The following CACNA1I variants were observed in gnomAD, a reference collection of about 807,000 sequenced individuals.
The protein encoded by CACNA1I is voltage-dependent T-type calcium channel subunit alpha-1I.
In CACNA1I, 74 loss-of-function variants were observed where a neutral mutation model predicts 201.6. That is an observed-to-expected ratio of 0.37 (90% confidence interval 0.30 to 0.45). CACNA1I has a LOEUF of 0.45. CACNA1I is among the 20% of genes least tolerant of loss of function. CACNA1I has a pLI of 1.00. For missense variants in CACNA1I, 2,346 were observed against 3,138.1 expected (o/e 0.75, Z 6.03); for synonymous variants, 1,431 against 1,345.2 (o/e 1.06, Z -1.40).
chr22:39,686,023 G>A lies in CACNA1I; in HGVS notation c.6290G>A (p.Cys2097Tyr), dbSNP rs1935857564. Residue 2097 changes from cysteine (C) to tyrosine (Y), a missense_variant, in exon 37 of 37, where the codon TGC (cysteine) becomes TAC (tyrosine). Physicochemically the swap from Cys to Tyr is radical, Grantham distance 194. Coordinates refer to ENST00000402142, the MANE Select transcript of CACNA1I (RefSeq NM_021096.4). ...AGCGGGGGCTCCACCAGCCCGGGCT[G>A]CACCCACCACGACTCCATGGACCCC... ...HSSGGSTSPG[C>Y]THHDSMDPSD... is the part of the protein sequence containing the mutation. The A allele has an allele frequency of 3.2e-6, 4 of 1,242,036 alleles. No individual in the cohort carries two copies. Among genetic ancestry groups the A allele is most frequent in the Non-Finnish European group, 3.0e-6 (3 of 997,664 alleles). The allele number at this position is 1,242,036 out of a possible 1,614,324, so 76.9% of individuals were successfully genotyped here. A position where few individuals can be genotyped will look rare whatever the true frequency, so the allele number is the denominator to read the frequency against.
Position 39,684,602 on chromosome 22 carries a change from A to C in CACNA1I, c.6027+104A>C. The C allele has an allele frequency of 1.9e-5, 23 of 1,233,970 alleles. No homozygotes were observed. The highest frequency in any genetic ancestry group is 2.5e-5 in the Non-Finnish European group (22 of 863,522). 76.4% of individuals were successfully genotyped at this position (1,233,970 alleles called of 1,614,324 possible). ...GACTGGGAGGGGAAGGACCCAACCA[A>C]AGGCCGAGGGCACCACCGTGCAAGG... On this transcript the variant is annotated intron_variant, in intron 36 of 36. Coordinates refer to ENST00000402142, the MANE Select transcript of CACNA1I (RefSeq NM_021096.4). This position sits in a 1 kb window ranked among gnomAD's most constrained non-coding sequence, Gnocchi z 4.6.
chr22:39,681,668 G>C (rs1175741656), intron 34 of CACNA1I, among the ~76,000 whole-genome samples: 1 of 151,888 alleles, frequency 6.6e-6, no homozygotes, highest in Non-Finnish European at 1.5e-5. Flanking sequence ...GTCTTAGGGG[G>C]TGAGATCTCA....
chr22:39,684,893 A>C lies in CACNA1I; in HGVS notation c.6027+395A>C. The C allele has an allele frequency of 1.1e-4, 34 of 314,362 alleles. No homozygotes were observed. Among genetic ancestry groups the C allele is most frequent in the East Asian group, 2.0e-4 (3 of 14,704 alleles). 19.5% of individuals were successfully genotyped at this position (314,362 alleles called of 1,614,324 possible). A position where few individuals can be genotyped will look rare whatever the true frequency, so the allele number is the denominator to read the frequency against. On this transcript the variant is annotated intron_variant, in intron 36 of 36. Coordinates refer to ENST00000402142, the MANE Select transcript of CACNA1I (RefSeq NM_021096.4). The surrounding 1 kb of genome is among the most constrained non-coding windows in gnomAD (Gnocchi z 4.6). ...GTGAGTGGGGGCTTGATTACTAGGAATGGAGGTGGGAGGGCGGGTCTGGTG... is the reference window on the plus strand; with the variant it reads ...GTGAGTGGGGGCTTGATTACTAGGACTGGAGGTGGGAGGGCGGGTCTGGTG...
At chr22:39,679,912 C>T (rs1448861871) in intron 33 of CACNA1I, 44 bp downstream of exon 33, 2 of 1,580,234 alleles carry the variant, frequency 1.3e-6, no homozygotes, top group South Asian at 1.2e-5. Context: ...GCAGGGGCAG[C>T]ACGAAACCTG....
At chr22:39,634,765 T>G in intron 5 of CACNA1I, 41 bp downstream of exon 5, 3 of 1,586,632 alleles carry the variant, frequency 1.9e-6, no homozygotes, top group Non-Finnish European at 2.6e-6. Context: ...CCGGGGACTC[T>G]TACTAAGACA....
Position 39,686,288 on chromosome 22 carries a change from C to T in CACNA1I, c.6555C>T (p.Ser2185=). ...GCCCCTCGTGGGCCGCGGACCGCAGCAAGGACCCCCCCGGCCGGGCACCGC... is the reference window on the plus strand; with the variant it reads ...GCCCCTCGTGGGCCGCGGACCGCAGTAAGGACCCCCCCGGCCGGGCACCGC... ...ARSPSWAADR[S]KDPPGRAPLP... The change falls in exon 37 of 37, where the codon AGC becomes AGT. Residue 2185 remains serine (S), a synonymous_variant. Transcript: ENST00000402142. 2 of 1,321,038 alleles carry T rather than the reference C, an allele frequency of 1.5e-6. No homozygotes were observed. Among genetic ancestry groups the T allele is most frequent in the Non-Finnish European group, 1.9e-6 (2 of 1,031,466 alleles). The allele number at this position is 1,321,038 out of a possible 1,614,324, so 81.8% of individuals were successfully genotyped here.
At chr22:39,583,716 G>A (rs1048870576) in intron 1 of CACNA1I, among the ~76,000 whole-genome samples, 1 of 152,200 alleles carries the variant, frequency 6.6e-6, no homozygotes, top group Admixed American at 6.5e-5. Context: ...TCTACTGTCT[G>A]CTGAATGCCC....
At chr22:39,610,686 GC>G (rs1247314228) in intron 3 of CACNA1I, among the ~76,000 whole-genome samples, 2 of 152,134 alleles carry the variant, frequency 1.3e-5, no homozygotes. Context: ...CAGCTTCAGG[GC>G]CCGCTTGCTC....
In CACNA1I at chr22:39,580,713, C is replaced by T. The variant is rs202069086; in HGVS notation, c.236+9725C>T. On this transcript the variant is annotated intron_variant, in intron 1 of 36. Transcript: ENST00000402142. ...AGCTTACACTTGGTCTTGTGGGCCA[C>T]GGGTGGGTGTCTAGCAGGGGTGGGA... Among the ~76,000 whole-genome samples, 7 of 152,016 alleles carry T rather than the reference C, an allele frequency of 4.6e-5. No homozygotes were observed. In the East Asian group the frequency reaches 1.2e-3, roughly 25 times the overall value.
chr22:39,681,334 G>A (rs562805001), intron 34 of CACNA1I, among the ~76,000 whole-genome samples: 1 of 152,312 alleles, frequency 6.6e-6, no homozygotes, highest in Admixed American at 6.5e-5. Flanking sequence ...CATTCCACGG[G>A]GGGTCATCCC....
intron 1 of CACNA1I, among the ~76,000 whole-genome samples, chr22:39,583,365 T>TATCC (rs61259535): frequency 0.013 from 1,915 of 145,182 alleles, 44 homozygotes; most frequent in African/African-American, 0.044. Flanking sequence ...TCCAACCATC[T>TATCC]ATCCATCCAT....
chr22:39,685,619 G>A lies in CACNA1I; in HGVS notation c.6028-142G>A, dbSNP rs973748034. 95 of 670,276 alleles carry A rather than the reference G, an allele frequency of 1.4e-4. 1 individual carries two copies. The highest frequency in any genetic ancestry group is 1.3e-3 in the Middle Eastern group (3 of 2,360). The allele number at this position is 670,276 out of a possible 1,614,324, so 41.5% of individuals were successfully genotyped here. On this transcript the variant is annotated intron_variant, in intron 36 of 36. Coordinates refer to ENST00000402142, the MANE Select transcript of CACNA1I (RefSeq NM_021096.4). The surrounding 1 kb of genome is among the most constrained non-coding windows in gnomAD (Gnocchi z 5.0). The stretch of plus-strand genomic sequence containing the variant: ...TGCGGTGACGCCGCCTAAGCTGGAC[G>A]TGCGGAGGGGAGAAGCCCTGCTCCG...
At chr22:39,661,841 A>G (rs891952615) in intron 16 of CACNA1I, 124 bp from the exon 17 acceptor site, 14 of 599,564 alleles carry the variant, frequency 2.3e-5, no homozygotes, top group Non-Finnish European at 3.7e-5. Flanking sequence ...AGCCCATTCC[A>G]TCACCCGCTG....
intron 7 of CACNA1I, among the ~76,000 whole-genome samples, chr22:39,644,314 G>A (rs931279045): frequency 6.6e-6 from 1 of 152,162 alleles, no homozygotes; most frequent in Non-Finnish European, 1.5e-5. Context: ...GATGCTCCCC[G>A]AGCTCATTGT....
intron 4 of CACNA1I, among the ~76,000 whole-genome samples, chr22:39,631,568 G>T (rs147218388): frequency 1.3e-5 from 2 of 152,348 alleles, no homozygotes; most frequent in Non-Finnish European, 2.9e-5. Context: ...AGGAGGGTTT[G>T]GCCGGGGGAA....
At chr22:39,611,927 A>G (rs1032854972) in intron 3 of CACNA1I, among the ~76,000 whole-genome samples, 3 of 152,190 alleles carry the variant, frequency 2.0e-5, no homozygotes, top group African/African-American at 7.2e-5. Flanking sequence ...TCAGAGCGTC[A>G]GTCAACTGGG....
intron 10 of CACNA1I, among the ~76,000 whole-genome samples, chr22:39,652,085 G>A (rs1934669047): frequency 1.3e-5 from 2 of 151,550 alleles, no homozygotes; most frequent in African/African-American, 2.4e-5. Context: ...CCAGGCTGGA[G>A]TGCATTGGTG....
chr22:39,580,990 C>T (rs994785349), intron 1 of CACNA1I, among the ~76,000 whole-genome samples: 2 of 152,210 alleles, frequency 1.3e-5, no homozygotes, highest in South Asian at 2.1e-4. Flanking sequence ...CCTGGGCACC[C>T]GGTGGTGACC....
In CACNA1I at chr22:39,659,859, G is replaced by A; in HGVS notation, c.2604+7G>A. On this transcript the variant is annotated splice_region_variant and intron_variant, in intron 14 of 36. Coordinates refer to ENST00000402142, the MANE Select transcript of CACNA1I (RefSeq NM_021096.4). The surrounding 1 kb of genome is among the most constrained non-coding windows in gnomAD (Gnocchi z 4.3). Reference sequence around the variant, plus strand: ...GGAGGGCTTCCAGGCGGAGGTGACTGTGGTCTTGGCAGAGGAAGCACCCCC... The same window carrying A: ...GGAGGGCTTCCAGGCGGAGGTGACTATGGTCTTGGCAGAGGAAGCACCCCC... 1 of 1,613,684 alleles carries A rather than the reference G, an allele frequency of 6.2e-7. No individual in the cohort carries two copies. The highest frequency in any genetic ancestry group is 8.5e-7 in the Non-Finnish European group (1 of 1,179,796).
Sources: gnomAD v4.1 joint callset for allele counts (sites outside exome capture counted in the v4.1 genomes callset) on GRCh38, gnomAD v4.1.1 for gene constraint, Gnocchi (gnomAD v3.1) non-coding constraint, MANE v1.5 for transcripts, NCBI Gene and HGNC (gene_info 2026-07-23, HGNC 2026-07-21) for gene names.